Variants in DYNC1I1 observed in about 807,000 individuals in gnomAD.
DYNC1I1 encodes cytoplasmic dynein 1 intermediate chain 1.
In DYNC1I1, 43 loss-of-function variants were observed where a neutral mutation model predicts 86.6. The ratio of observed to expected loss-of-function variants is 0.50; its 90% confidence interval spans 0.39 to 0.64. The LOEUF (loss-of-function observed/expected upper bound fraction) is 0.64, where lower values mean the gene tolerates loss of function less well. Among genes scored for constraint, DYNC1I1 ranks in the 30% least tolerant of loss-of-function variants. DYNC1I1 has a pLI of 0.00. For synonymous variants in DYNC1I1, 262 were observed against 283.7 expected (o/e 0.92, Z 0.77); for missense variants, 604 against 788.8 (o/e 0.77, Z 2.81).
intron 16 of DYNC1I1, among the ~76,000 whole-genome samples, chr7:96,086,973 A>G (rs954866690): frequency 6.6e-6 from 1 of 152,140 alleles, no homozygotes; most frequent in African/African-American, 2.4e-5. Context: ...TCAATGGGCC[A>G]TTTTTTTATG....
At chr7:96,069,068 C>T (rs1790083086) in intron 14 of DYNC1I1, among the ~76,000 whole-genome samples, 1 of 152,116 alleles carries the variant, frequency 6.6e-6, no homozygotes, top group African/African-American at 2.4e-5. Context: ...GCCTCTAGGT[C>T]CAGTCCATCC....
intron 16 of DYNC1I1, among the ~76,000 whole-genome samples, chr7:96,103,638 A>T (rs1202383932): frequency 6.7e-6 from 1 of 148,206 alleles, no homozygotes; most frequent in East Asian, 2.0e-4. Context: ...TTTGAGACGG[A>T]GTCTCGCTCT....
chr7:95,779,569 T>C (rs1037417465), intron 1 of DYNC1I1, among the ~76,000 whole-genome samples: 2 of 152,234 alleles, frequency 1.3e-5, no homozygotes, highest in African/African-American at 2.4e-5. Context: ...TATGCTTTGT[T>C]TTTTTATAAC....
At position 96,083,513 on chromosome 7, in the gene DYNC1I1, G is replaced by A. The variant is rs377204869; in HGVS notation, c.1776+3025G>A. On this transcript the variant is annotated intron_variant, in intron 16 of 16. Transcript: ENST00000447467. ...CCATTACTGTGATTACTATAGGATC[G>A]TTCACCAGCCCAGAACTGACAGAAC... is the stretch of plus-strand genomic sequence containing the variant. Among the ~76,000 whole-genome samples, 5 of 152,172 alleles carry A rather than the reference G, an allele frequency of 3.3e-5. No individual in the cohort carries two copies. In the East Asian group the frequency reaches 9.7e-4, roughly 29 times the overall value.
chr7:95,791,212 G>C (rs1050396617), intron 1 of DYNC1I1, among the ~76,000 whole-genome samples: 1 of 152,014 alleles, frequency 6.6e-6, no homozygotes, highest in Admixed American at 6.6e-5. Context: ...CCTTTAATAT[G>C]ATAGTTTAAA....
At chr7:96,090,935 T>A (rs775837376) in intron 16 of DYNC1I1, among the ~76,000 whole-genome samples, 17 of 152,164 alleles carry the variant, frequency 1.1e-4, no homozygotes, top group Non-Finnish European at 2.1e-4. Flanking sequence ...GATGCTAGAC[T>A]CTCCCGGGAG....
At chr7:95,877,183 C>A (rs1790332175) in intron 6 of DYNC1I1, among the ~76,000 whole-genome samples, 1 of 152,132 alleles carries the variant, frequency 6.6e-6, no homozygotes, top group African/African-American at 2.4e-5. Flanking sequence ...CTCATACTGC[C>A]CCAGCTACTT....
chr7:96,020,912 A>G (rs1212701865), intron 10 of DYNC1I1, among the ~76,000 whole-genome samples: 1 of 152,194 alleles, frequency 6.6e-6, no homozygotes, highest in African/African-American at 2.4e-5. Context: ...ATATTATATG[A>G]TAATACTTAT....
intron 6 of DYNC1I1, among the ~76,000 whole-genome samples, chr7:95,925,601 A>G (rs1351049041): frequency 2.6e-5 from 4 of 152,208 alleles, no homozygotes; most frequent in Admixed American, 2.6e-4. Flanking sequence ...TAAAGGTGGC[A>G]TAAACGCTGT....
downstream of DYNC1I1, among the ~76,000 whole-genome samples, chr7:96,100,650 T>TTGTGTGTGTGTGTGTGTGTGTGTGTG (rs57129262): frequency 2.5e-4 from 36 of 142,946 alleles, no homozygotes; most frequent in South Asian, 4.8e-4. Flanking sequence ...TTTGAGGGTT[T>TTGTGTGTGTGTGTGTGTGTGTGTGTG]TGTGTGTGTG....
At chr7:95,890,000 T>C (rs888069117) in intron 6 of DYNC1I1, among the ~76,000 whole-genome samples, 3 of 151,990 alleles carry the variant, frequency 2.0e-5, no homozygotes, top group Admixed American at 6.6e-5. Context: ...TTGGTGGGAG[T>C]GTAAATTAGT....
At chr7:96,077,117 A>AT (rs1238621097) in intron 15 of DYNC1I1, among the ~76,000 whole-genome samples, 1 of 152,170 alleles carries the variant, frequency 6.6e-6, no homozygotes, top group African/African-American at 2.4e-5. Context: ...GCTGCGAACT[A>AT]TATGTCAAGT....
intron 10 of DYNC1I1, among the ~76,000 whole-genome samples, chr7:96,001,270 T>C (rs556437498): frequency 6.9e-4 from 105 of 152,252 alleles, no homozygotes; most frequent in African/African-American, 2.5e-3. Context: ...ACGTTTGCTG[T>C]CTTGTCCCTC....
intron 5 of DYNC1I1, among the ~76,000 whole-genome samples, chr7:95,859,928 C>T (rs576705321): frequency 6.6e-6 from 1 of 152,318 alleles, no homozygotes; most frequent in African/African-American, 2.4e-5. Flanking sequence ...TTAATGGTAA[C>T]TCTCTTTGTA....
At chr7:96,018,118 C>T (rs989748648) in intron 10 of DYNC1I1, among the ~76,000 whole-genome samples, 5 of 152,332 alleles carry the variant, frequency 3.3e-5, no homozygotes, top group African/African-American at 9.6e-5. Flanking sequence ...CAGAGACTCA[C>T]TGCCAAGGCC....
rs575067667 is a variant in DYNC1I1 at position 96,030,642 on chromosome 7, A to G, written c.1117-2025A>G. Among the ~76,000 whole-genome samples, 18 of 152,026 alleles carry G rather than the reference A, an allele frequency of 1.2e-4. No individual in the cohort carries two copies. In the South Asian group the frequency reaches 3.5e-3, roughly 30 times the overall value. ...GTGGTTATCAAAGAAGCCCCACTGG[A>G]CTCTTGTTGAAAAACAAGATGGATT... On this transcript the variant is annotated intron_variant, in intron 11 of 16. Coordinates refer to ENST00000447467, the MANE Select transcript of DYNC1I1 (RefSeq NM_001135556.2).
chr7:96,008,440 A>G (rs1794194618), intron 10 of DYNC1I1, among the ~76,000 whole-genome samples: 1 of 152,202 alleles, frequency 6.6e-6, no homozygotes, highest in African/African-American at 2.4e-5. Context: ...AAGGTTATCC[A>G]TTAATACCCC....
At chr7:96,047,341 A>G (rs1789249128) in intron 14 of DYNC1I1, among the ~76,000 whole-genome samples, 1 of 152,206 alleles carries the variant, frequency 6.6e-6, no homozygotes, top group Non-Finnish European at 1.5e-5. Flanking sequence ...TTAGAAATAT[A>G]GATATGACAG....
At chr7:95,884,624 G>T (rs2116239918) in intron 6 of DYNC1I1, among the ~76,000 whole-genome samples, 1 of 152,116 alleles carries the variant, frequency 6.6e-6, no homozygotes, top group South Asian at 2.1e-4. Context: ...ATGAAGAAAA[G>T]TTAAAAGGAT....
Sources: allele counts gnomAD v4.1 joint callset (sites outside exome capture counted in the v4.1 genomes callset), GRCh38; gene constraint gnomAD v4.1.1; transcripts MANE v1.5; gene names NCBI Gene and HGNC (gene_info 2026-07-23, HGNC 2026-07-21).